SAP30BP: variants seen among roughly 807,000 people sequenced by gnomAD.
SAP30BP encodes the protein SAP30-binding protein.
A neutral mutation model predicts 46.3 loss-of-function variants in SAP30BP; 31 were observed. That is an observed-to-expected ratio of 0.67 (90% confidence interval 0.50 to 0.90). SAP30BP has a LOEUF of 0.90. Among genes scored for constraint, SAP30BP ranks in the 40% least tolerant of loss-of-function variants. SAP30BP has a pLI of 0.00. For synonymous variants in SAP30BP, 169 were observed against 144.2 expected (o/e 1.17, Z -1.23); for missense variants, 312 against 391.0 (o/e 0.80, Z 1.70).
At chr17:75,680,782 C>T (rs1012868823) in intron 3 of SAP30BP, among the ~76,000 whole-genome samples, 1 of 152,196 alleles carries the variant, frequency 6.6e-6, no homozygotes, top group African/African-American at 2.4e-5. Context: ...GCCTGTAATC[C>T]CAGCACTTGG....
chr17:75,698,047 T>G (rs534465099), intron 4 of SAP30BP, among the ~76,000 whole-genome samples: 4 of 152,350 alleles, frequency 2.6e-5, no homozygotes, highest in African/African-American at 9.6e-5. Flanking sequence ...TCTTTGCTCA[T>G]TGTATGATCC....
chr17:75,671,018 C>T (rs941121155), intron 2 of SAP30BP, among the ~76,000 whole-genome samples: 1 of 152,180 alleles, frequency 6.6e-6, no homozygotes, highest in Non-Finnish European at 1.5e-5. Flanking sequence ...TGCTCCTGAT[C>T]TTTGACCTTC....
At chr17:75,689,509 G>T (rs1490464187) in intron 3 of SAP30BP, among the ~76,000 whole-genome samples, 1 of 152,126 alleles carries the variant, frequency 6.6e-6, no homozygotes, top group African/African-American at 2.4e-5. Context: ...CCTTCCTTAG[G>T]AACTGGGTGA....
intron 3 of SAP30BP, among the ~76,000 whole-genome samples, chr17:75,688,377 C>T (rs191163408): frequency 7.2e-5 from 11 of 152,310 alleles, no homozygotes; most frequent in Admixed American, 2.0e-4. Context: ...CTAGCTGCCA[C>T]GTACTTGTAA....
chr17:75,707,603 G>C lies in SAP30BP; in HGVS notation c.*1082G>C, dbSNP rs1308070406. The C allele has an allele frequency of 6.5e-6, 1 of 152,696 alleles. No homozygotes were observed. Among genetic ancestry groups the C allele is most frequent in the African/African-American group, 2.4e-5 (1 of 41,454 alleles). The allele number at this position is 152,696 out of a possible 1,614,324, so 9.5% of individuals were successfully genotyped here. On this transcript the variant is annotated 3_prime_UTR_variant, in exon 11 of 11. Coordinates refer to ENST00000584667, the MANE Select transcript of SAP30BP (RefSeq NM_013260.8). The stretch of plus-strand genomic sequence containing the variant: ...TTCTGAAATGGCACCTGGTACTCTT[G>C]TGGGACCTGGGGAATATAAGGAACT...
chr17:75,669,411 A>T (rs917938648), intron 2 of SAP30BP, among the ~76,000 whole-genome samples: 26 of 151,712 alleles, frequency 1.7e-4, no homozygotes, highest in Non-Finnish European at 3.4e-4. Context: ...CGCCTGGCTA[A>T]TTTTTGTATT....
chr17:75,667,719 A>G (rs2059818264), intron 1 of SAP30BP, among the ~76,000 whole-genome samples: 1 of 152,234 alleles, frequency 6.6e-6, no homozygotes, highest in Non-Finnish European at 1.5e-5. Context: ...GGCTATAGTG[A>G]TAGACAGAGG....
At chr17:75,695,800 C>T (rs1418989231) in intron 4 of SAP30BP, among the ~76,000 whole-genome samples, 1 of 152,172 alleles carries the variant, frequency 6.6e-6, no homozygotes, top group East Asian at 1.9e-4. Context: ...CAGGCATCTG[C>T]AGCACTGCAG....
chr17:75,703,414 G>C (rs2060445158), intron 7 of SAP30BP, 43 bp downstream of exon 7: 1 of 1,564,666 alleles, frequency 6.4e-7, no homozygotes, highest in African/African-American at 1.3e-5. Flanking sequence ...GGGACACCCA[G>C]GGTCCTTTGC....
intron 7 of SAP30BP, 32 bp downstream of exon 7, chr17:75,703,403 G>A (rs2060444965): frequency 1.3e-6 from 2 of 1,594,238 alleles, no homozygotes; most frequent in Non-Finnish European, 1.7e-6. Flanking sequence ...GGAGGGTGAT[G>A]GGGACACCCA....
chr17:75,693,567 A>G (rs907634777), intron 4 of SAP30BP, 85 bp downstream of exon 4: 15 of 1,291,150 alleles, frequency 1.2e-5, no homozygotes, highest in Non-Finnish European at 1.7e-5. Flanking sequence ...CTGCCGCCCC[A>G]CAGGGCTTCT....
intron 4 of SAP30BP, among the ~76,000 whole-genome samples, chr17:75,693,891 G>A (rs2060275787): frequency 6.6e-6 from 1 of 152,150 alleles, no homozygotes; most frequent in Non-Finnish European, 1.5e-5. Context: ...ACTTTGCTCT[G>A]TCCCCAGGCA....
rs575147727 is a variant in SAP30BP at position 75,690,901 on chromosome 17, A to G, written c.265-2539A>G. The G allele has an allele frequency of 7.6e-4, 287 of 375,904 alleles. 1 individual carries two copies. Among genetic ancestry groups the G allele is most frequent in the African/African-American group, 5.4e-3 (257 of 47,566 alleles). 23.3% of individuals were successfully genotyped at this position (375,904 alleles called of 1,614,324 possible). A position where few individuals can be genotyped will look rare whatever the true frequency, so the allele number is the denominator to read the frequency against. ...CAGTCTTCTTAGGAGACCCTAGTGC[A>G]GCAGCGCTGGCCTCCTCCTGAGCGT... On this transcript the variant is annotated intron_variant, in intron 3 of 10. Transcript: ENST00000584667.
chr17:75,698,221 T>G (rs2060351732), intron 4 of SAP30BP, among the ~76,000 whole-genome samples: 1 of 152,218 alleles, frequency 6.6e-6, no homozygotes, highest in Non-Finnish European at 1.5e-5. Flanking sequence ...CTAAGGAAAT[T>G]GTCCCCTGGG....
chr17:75,674,132 A>G (rs1002376171), intron 3 of SAP30BP, among the ~76,000 whole-genome samples: 9 of 152,078 alleles, frequency 5.9e-5, no homozygotes, highest in Non-Finnish European at 1.0e-4. Context: ...GGCATCTCCA[A>G]GGACTACAAA....
At chr17:75,674,014 C>T (rs2059945580) in intron 3 of SAP30BP, among the ~76,000 whole-genome samples, 1 of 152,206 alleles carries the variant, frequency 6.6e-6, no homozygotes, top group South Asian at 2.1e-4. Context: ...CCCTCAAAGT[C>T]ACTTGATATA....
chr17:75,669,140 C>A (rs2059869111), intron 2 of SAP30BP, among the ~76,000 whole-genome samples: 1 of 151,490 alleles, frequency 6.6e-6, no homozygotes, highest in Admixed American at 6.6e-5. Flanking sequence ...GTGGTGTGAT[C>A]ATAGATAGTT....
At chr17:75,689,650 T>A (rs2060213573) in intron 3 of SAP30BP, among the ~76,000 whole-genome samples, 1 of 152,218 alleles carries the variant, frequency 6.6e-6, no homozygotes, top group African/African-American at 2.4e-5. Context: ...TTTAACCAAC[T>A]GAGAATTTCT....
chr17:75,675,338 A>G (rs933574190), intron 3 of SAP30BP, among the ~76,000 whole-genome samples: 1 of 151,836 alleles, frequency 6.6e-6, no homozygotes. Context: ...TTTAGTAGAG[A>G]CGGGGTTTCA....
Sources: gnomAD v4.1 joint callset for allele counts (sites outside exome capture counted in the v4.1 genomes callset) on GRCh38, gnomAD v4.1.1 for gene constraint, MANE v1.5 for transcripts, NCBI Gene and HGNC (gene_info 2026-07-23, HGNC 2026-07-21) for gene names.